The following RAB33A variants were observed in gnomAD, a reference collection of about 807,000 sequenced individuals.
RAB33A encodes the protein RAB33A, member RAS oncogene family.
RAB33A carries 6 observed loss-of-function variants against 12.0 expected under a neutral mutation model. The ratio of observed to expected loss-of-function variants is 0.50; its 90% CI spans 0.27 to 0.99. RAB33A has a LOEUF of 0.99. Ranked by LOEUF, RAB33A falls within the 50% of genes least tolerant of loss-of-function variation. The probability of loss-of-function intolerance (pLI) is 0.11; values close to 1 mark genes in which losing one functional copy is unlikely to be tolerated. For missense variants in RAB33A, 109 were observed against 192.0 expected, an observed-to-expected ratio of 0.57 and a Z score of 2.55; for synonymous variants, 70 against 82.4, an observed-to-expected ratio of 0.85 and a Z score of 0.81.
At chrX:130,147,753 C>T in the RAB33A span, 1 of 1,210,557 alleles carries the variant, frequency 8.3e-7, no homozygotes, top group Non-Finnish European at 1.1e-6. Flanking sequence ...GCACCTTACC[C>T]TGGCCCCAGG....
At chrX:130,172,460 C>G in intron 1 of RAB33A, 140 bp downstream of exon 1, 1 of 811,853 alleles carries the variant, frequency 1.2e-6, no homozygotes, top group Non-Finnish European at 1.7e-6. Context: ...CTCGGCTCCT[C>G]CTCACCCCTT....
chrX:130,117,307 T>C, the RAB33A span, among the ~76,000 whole-genome samples: 1 of 112,628 alleles, frequency 8.9e-6, no homozygotes, highest in East Asian at 2.8e-4. Flanking sequence ...CGGCTTTCAA[T>C]TGTCTTCGAG....
the RAB33A span, among the ~76,000 whole-genome samples, chrX:130,163,563 C>T: frequency 9.0e-6 from 1 of 111,342 alleles, no homozygotes; most frequent in African/African-American, 3.3e-5. Context: ...TGGTGCACGG[C>T]CAAAGGACAA....
chrX:130,115,933 C>A, the RAB33A span, among the ~76,000 whole-genome samples: 1 of 110,467 alleles, frequency 9.1e-6, no homozygotes, highest in African/African-American at 3.3e-5. Context: ...CATGACAAGG[C>A]CATGGGTATC....
At chrX:130,118,675 C>T in the RAB33A span, among the ~76,000 whole-genome samples, 1 of 111,975 alleles carries the variant, frequency 8.9e-6, no homozygotes, top group Admixed American at 9.4e-5. Context: ...TCCAACTCGG[C>T]GGCTGCTGCT....
At chrX:130,169,560 G>A (rs1199171274), upstream of RAB33A, among the ~76,000 whole-genome samples, 1 of 111,418 alleles carries the variant, frequency 9.0e-6, no homozygotes, top group Admixed American at 9.6e-5. Context: ...TTTTTCAAAA[G>A]CAATATATAC....
At chrX:130,147,465 T>C in the RAB33A span, 18 of 1,209,453 alleles carry the variant, frequency 1.5e-5, no homozygotes, top group African/African-American at 3.5e-5. Flanking sequence ...CTGAAGTTGA[T>C]AGGCTCATTT....
At chrX:130,140,136 G>T in the RAB33A span, among the ~76,000 whole-genome samples, 1 of 112,571 alleles carries the variant, frequency 8.9e-6, no homozygotes, top group Non-Finnish European at 1.9e-5. Flanking sequence ...TGGCTTCCAT[G>T]TTCTCTTCTA....
At chrX:130,160,935 A>G in the RAB33A span, among the ~76,000 whole-genome samples, 1 of 110,441 alleles carries the variant, frequency 9.1e-6, no homozygotes, top group South Asian at 3.7e-4. Flanking sequence ...AAATAAACTT[A>G]AGAGTTTTTT....
At chrX:130,119,203 C>G in the RAB33A span, among the ~76,000 whole-genome samples, 5 of 110,763 alleles carry the variant, frequency 4.5e-5, no homozygotes, top group Admixed American at 3.8e-4. Flanking sequence ...CCAGGGGCTT[C>G]GGTTCCTCCC....
At chrX:130,137,854 G>A in the RAB33A span, 1 of 604,400 alleles carries the variant, frequency 1.7e-6, no homozygotes, top group African/African-American at 2.5e-5. Context: ...CCTGAGGTTG[G>A]GAGTTCAAGA....
chrX:130,133,151 C>T, the RAB33A span, among the ~76,000 whole-genome samples: 2 of 111,666 alleles, frequency 1.8e-5, no homozygotes, highest in African/African-American at 3.3e-5. Flanking sequence ...ACACTTCTGC[C>T]AGATGGCTAC....
At chrX:130,120,397 C>T in the RAB33A span, among the ~76,000 whole-genome samples, 2 of 111,513 alleles carry the variant, frequency 1.8e-5, no homozygotes, top group African/African-American at 6.5e-5. Context: ...TCTGCATCCC[C>T]TGTGCTGGAG....
the RAB33A span, chrX:130,129,709 G>T: frequency 1.1e-6 from 1 of 944,672 alleles, no homozygotes; most frequent in Non-Finnish European, 1.5e-6. Flanking sequence ...GCTACCTGGG[G>T]CAGTCCCCAT....
rs377200388 is a variant in RAB33A, at chrX:130,172,086, T to C, written c.24T>C (p.His8=). 1 of 1,210,453 alleles carries C rather than the reference T, an allele frequency of 8.3e-7. No homozygotes were observed. Among genetic ancestry groups the C allele is most frequent in the Non-Finnish European group, 1.1e-6 (1 of 894,826 alleles). MAQPILG[H]GSLQPASAAG... Reference sequence around the variant, plus strand: ...AGATGGCGCAGCCCATCCTGGGCCATGGGAGCCTGCAGCCCGCCTCGGCCG... The same window carrying C: ...AGATGGCGCAGCCCATCCTGGGCCACGGGAGCCTGCAGCCCGCCTCGGCCG... Residue 8 remains histidine, a synonymous_variant, in exon 1 of 2, where the codon CAT becomes CAC. Coordinates refer to ENST00000257017, the MANE Select transcript of RAB33A (RefSeq NM_004794.3).
chrX:130,149,452 C>T, the RAB33A span: 1 of 1,180,147 alleles, frequency 8.5e-7, no homozygotes, highest in East Asian at 3.0e-5. Context: ...CATAGCAAGA[C>T]TTAAGGGAAT....
the RAB33A span, among the ~76,000 whole-genome samples, chrX:130,143,532 C>T: frequency 9.0e-6 from 1 of 110,968 alleles, no homozygotes; most frequent in Non-Finnish European, 1.9e-5. Context: ...AAGTGTGTTC[C>T]CTACTTCTCA....
the RAB33A span, among the ~76,000 whole-genome samples, chrX:130,123,810 G>A: frequency 1.1e-3 from 121 of 109,710 alleles, 1 homozygote; most frequent in Middle Eastern, 0.019. Context: ...AGGAAGATGT[G>A]TAATCTCTGG....
chrX:130,123,700 C>CAAAA, the RAB33A span, among the ~76,000 whole-genome samples: 4 of 39,854 alleles, frequency 1.0e-4, no homozygotes, highest in South Asian at 4.1e-3. Context: ...GACTCTGTCT[C>CAAAA]AAAAAAAAAA....
Sources: gnomAD v4.1 joint callset for allele counts (sites outside exome capture counted in the v4.1 genomes callset) on GRCh38, gnomAD v4.1.1 for gene constraint, MANE v1.5 for transcripts, NCBI Gene and HGNC (gene_info 2026-07-23, HGNC 2026-07-21) for gene names.